The following CCSER1 variants were observed in gnomAD, a reference collection of about 807,000 sequenced individuals.
The protein encoded by CCSER1 is coiled-coil serine rich protein 1.
Under a neutral mutation model 82.0 loss-of-function variants are expected in CCSER1, and 41 were observed. That is an observed-to-expected ratio of 0.50 (90% CI 0.39 to 0.65). CCSER1 has a LOEUF of 0.65. Among genes scored for constraint, CCSER1 ranks in the 30% least tolerant of loss-of-function variants. CCSER1 has a pLI of 0.00. For missense variants in CCSER1, 1,119 were observed against 1,064.2 expected, an observed-to-expected ratio of 1.05 and a Z score of -0.72; for synonymous variants, 414 against 383.9, an observed-to-expected ratio of 1.08 and a Z score of -0.92.
At chr4:91,563,905 G>C (rs1192365000) in intron 10 of CCSER1, among the ~76,000 whole-genome samples, 1 of 151,756 alleles carries the variant, frequency 6.6e-6, no homozygotes, top group South Asian at 2.1e-4. Flanking sequence ...TTAAATTTTA[G>C]ATTTGGTGAT....
intron 8 of CCSER1, among the ~76,000 whole-genome samples, chr4:90,919,337 G>A (rs1260656385): frequency 6.6e-6 from 1 of 151,724 alleles, no homozygotes; most frequent in African/African-American, 2.4e-5. Context: ...AATAAAAAAG[G>A]TTTTCATCTG....
At chr4:91,402,097 T>C (rs1752378020) in intron 10 of CCSER1, among the ~76,000 whole-genome samples, 1 of 152,218 alleles carries the variant, frequency 6.6e-6, no homozygotes, top group African/African-American at 2.4e-5. Flanking sequence ...TTCTAACTGG[T>C]GTGAGATGGT....
At chr4:90,716,359 G>A (rs1252653759) in intron 6 of CCSER1, among the ~76,000 whole-genome samples, 2 of 151,856 alleles carry the variant, frequency 1.3e-5, no homozygotes, top group Non-Finnish European at 2.9e-5. Context: ...GTCTTATGAT[G>A]TTCCCAATTC....
chr4:91,556,561 A>G (rs890076738), intron 10 of CCSER1, among the ~76,000 whole-genome samples: 13 of 151,106 alleles, frequency 8.6e-5, no homozygotes, highest in Non-Finnish European at 4.4e-5. Flanking sequence ...GAATGAAAAA[A>G]GGCAAAAAAA....
intron 10 of CCSER1, among the ~76,000 whole-genome samples, chr4:91,491,831 A>C (rs1402142525): frequency 2.0e-5 from 3 of 152,066 alleles, no homozygotes; most frequent in Non-Finnish European, 4.4e-5. Flanking sequence ...ATGAATGGTA[A>C]AAATATTATA....
intron 10 of CCSER1, among the ~76,000 whole-genome samples, chr4:91,581,370 G>T (rs114651520): frequency 1.3e-5 from 2 of 151,708 alleles, no homozygotes; most frequent in African/African-American, 4.8e-5. Flanking sequence ...AGCATTAGTT[G>T]ATCAATAGGA....
chr4:91,440,515 C>A (rs945868646), intron 10 of CCSER1, among the ~76,000 whole-genome samples: 26 of 152,112 alleles, frequency 1.7e-4, no homozygotes, highest in Admixed American at 1.5e-3. Context: ...CAAGAGAAAG[C>A]AGGAAATATC....
At chr4:90,986,953 A>G (rs1287249170) in intron 9 of CCSER1, among the ~76,000 whole-genome samples, 1 of 151,662 alleles carries the variant, frequency 6.6e-6, no homozygotes, top group Non-Finnish European at 1.5e-5. Context: ...TGTAGGGTTT[A>G]TGGACCTCGG....
chr4:90,420,097 G>A (rs1756450022), intron 4 of CCSER1, among the ~76,000 whole-genome samples: 1 of 151,826 alleles, frequency 6.6e-6, no homozygotes, highest in Non-Finnish European at 1.5e-5. Context: ...TTAAACACAA[G>A]ACTATATAAT....
intron 3 of CCSER1, among the ~76,000 whole-genome samples, chr4:90,397,276 T>C (rs1752088491): frequency 1.3e-5 from 2 of 152,186 alleles, no homozygotes; most frequent in Admixed American, 6.5e-5. Flanking sequence ...ATGAGAACAA[T>C]GTCGTGAATT....
At chr4:90,592,342 C>CG (rs1553954074) in intron 5 of CCSER1, among the ~76,000 whole-genome samples, 1 of 152,060 alleles carries the variant, frequency 6.6e-6, no homozygotes, top group Non-Finnish European at 1.5e-5. Flanking sequence ...ACCTGTAAGA[C>CG]GGCATTAGAC....
At chr4:90,565,864 A>G (rs1379343279) in intron 5 of CCSER1, among the ~76,000 whole-genome samples, 1 of 136,808 alleles carries the variant, frequency 7.3e-6, no homozygotes, top group African/African-American at 2.7e-5. Flanking sequence ...ATCCCTCTTG[A>G]TTTTTTTTTT....
At chr4:91,131,118 T>C (rs955407886) in intron 10 of CCSER1, among the ~76,000 whole-genome samples, 1 of 151,980 alleles carries the variant, frequency 6.6e-6, no homozygotes, top group East Asian at 1.9e-4. Context: ...GAGACACTTA[T>C]TATTTTTGTT....
chr4:91,394,301 T>G (rs1234741138), intron 10 of CCSER1, among the ~76,000 whole-genome samples: 1 of 152,120 alleles, frequency 6.6e-6, no homozygotes, highest in Non-Finnish European at 1.5e-5. Context: ...GTAGAATCTA[T>G]CCACTGAGAG....
chr4:90,368,910 G>A lies in CCSER1; in HGVS notation c.1510-31126G>A, dbSNP rs188836787. On this transcript the variant is annotated intron_variant, in intron 3 of 10. Transcript: ENST00000509176. ...AAAACTTATGGATGTTGCTGTCTGT[G>A]TCAGAAAGAAATACAAACCCTTAAC... Among the ~76,000 whole-genome samples, 225 of 151,958 alleles carry A rather than the reference G, an allele frequency of 1.5e-3. 1 individual carries two copies. The highest frequency in any genetic ancestry group is 5.2e-3 in the African/African-American group (217 of 41,508).
At chr4:90,153,824 T>C (rs1291672586) in intron 1 of CCSER1, among the ~76,000 whole-genome samples, 1 of 152,148 alleles carries the variant, frequency 6.6e-6, no homozygotes, top group African/African-American at 2.4e-5. Flanking sequence ...TTCTCCCATT[T>C]TGTAGGTTGC....
chr4:90,808,439 A>G (rs1049468823), intron 7 of CCSER1, among the ~76,000 whole-genome samples: 14 of 152,188 alleles, frequency 9.2e-5, no homozygotes, highest in African/African-American at 3.4e-4. Flanking sequence ...GAAATAATCA[A>G]CAGAGTAAAC....
At chr4:91,042,572 C>G (rs1742061040) in intron 9 of CCSER1, among the ~76,000 whole-genome samples, 1 of 152,160 alleles carries the variant, frequency 6.6e-6, no homozygotes, top group Non-Finnish European at 1.5e-5. Flanking sequence ...TAATTCTGGT[C>G]TTTCACTAAT....
chr4:91,578,910 A>G lies in CCSER1; in HGVS notation c.2218-19662A>G, dbSNP rs548154899. 5.3e-5 allele frequency among the ~76,000 whole-genome samples: 8 copies of G among 151,954 alleles called. No homozygotes were observed. In the South Asian group the frequency reaches 1.0e-3, roughly 20 times the overall value. On this transcript the variant is annotated intron_variant, in intron 10 of 10. Coordinates refer to ENST00000509176, the MANE Select transcript of CCSER1 (RefSeq NM_001145065.2). ...AATATACATATATGTGTGTATGTCT[A>G]TTTGTCTATTCATCCATCCATATCT...
Sources: gnomAD v4.1 joint callset for allele counts (sites outside exome capture counted in the v4.1 genomes callset) on GRCh38, gnomAD v4.1.1 for gene constraint, MANE v1.5 for transcripts, NCBI Gene and HGNC (gene_info 2026-07-23, HGNC 2026-07-21) for gene names.